The following PDE4B variants were observed in gnomAD, a reference collection of about 807,000 sequenced individuals.
PDE4B encodes the protein 3',5'-cyclic-AMP phosphodiesterase 4B.
A neutral mutation model predicts 82.2 loss-of-function variants in PDE4B; 20 were observed. The observed-to-expected ratio is 0.24, with a 90% CI of 0.17 to 0.35. The LOEUF (loss-of-function observed/expected upper bound fraction) is 0.35, where lower values mean the gene tolerates loss of function less well. PDE4B is among the 10% of genes least tolerant of loss of function. PDE4B has a pLI of 1.00. For missense variants in PDE4B, 655 were observed against 907.2 expected (o/e 0.72, Z 3.57); for synonymous variants, 320 against 318.9 (o/e 1.00, Z -0.04).
chr1:65,953,288 A>G (rs1649094523), intron 3 of PDE4B, among the ~76,000 whole-genome samples: 1 of 152,076 alleles, frequency 6.6e-6, no homozygotes, highest in African/African-American at 2.4e-5. Context: ...AAAATGTTTT[A>G]TACTCTGGGT....
Position 66,222,516 on chromosome 1 carries a change from C to T in PDE4B, c.282-24944C>T, listed in dbSNP as rs1651078389. The stretch of plus-strand genomic sequence containing the variant: ...AGCGTTCAGAGCACCCATGCAGCCT[C>T]CAGTTGTTCATTTCCCATTGCTTTT... On this transcript the variant is annotated intron_variant, in intron 3 of 16. Transcript: ENST00000341517. 2.0e-5 allele frequency among the ~76,000 whole-genome samples: 3 copies of T among 152,190 alleles called. No homozygotes were observed. In the South Asian group the frequency reaches 6.2e-4, roughly 31 times the overall value.
intron 3 of PDE4B, chr1:65,992,307 G>A (rs1232162056): frequency 6.6e-6 from 1 of 152,220 alleles, no homozygotes; most frequent in Non-Finnish European, 1.5e-5. Flanking sequence ...TGTTGTTAAG[G>A]GGGAAACAGA....
chr1:66,266,462 G>A (rs1290022819), intron 7 of PDE4B, among the ~76,000 whole-genome samples: 1 of 152,112 alleles, frequency 6.6e-6, no homozygotes, highest in Non-Finnish European at 1.5e-5. Context: ...CTCCACGTTC[G>A]CCTGAGGGCC....
chr1:66,087,706 A>G (rs1657080763), intron 3 of PDE4B, among the ~76,000 whole-genome samples: 1 of 152,016 alleles, frequency 6.6e-6, no homozygotes, highest in South Asian at 2.1e-4. Flanking sequence ...TGATGAGTTC[A>G]TGTCCTTTGT....
intron 3 of PDE4B, among the ~76,000 whole-genome samples, chr1:66,189,061 C>T (rs1339677735): frequency 1.7e-5 from 1 of 60,294 alleles, no homozygotes; most frequent in Non-Finnish European, 4.1e-5. Context: ...ATTTGCTTGT[C>T]TATAAGTATT....
chr1:66,046,805 C>T (rs1654741226), intron 3 of PDE4B, among the ~76,000 whole-genome samples: 1 of 151,794 alleles, frequency 6.6e-6, no homozygotes, highest in African/African-American at 2.4e-5. Context: ...TTATCCCCCT[C>T]TGCTATTCAC....
chr1:66,007,147 A>G (rs749127682), intron 3 of PDE4B, among the ~76,000 whole-genome samples: 1 of 152,006 alleles, frequency 6.6e-6, no homozygotes, highest in Non-Finnish European at 1.5e-5. Context: ...AAAATATATA[A>G]AAGTATAAAA....
intron 3 of PDE4B, among the ~76,000 whole-genome samples, chr1:66,091,862 T>C (rs1645032538): frequency 6.6e-6 from 1 of 152,110 alleles, no homozygotes; most frequent in Non-Finnish European, 1.5e-5. Context: ...TACTTAATTG[T>C]TTTTTCCTTC....
At chr1:66,310,368 C>T (rs1057399375) in intron 7 of PDE4B, among the ~76,000 whole-genome samples, 3 of 152,116 alleles carry the variant, frequency 2.0e-5, no homozygotes, top group Non-Finnish European at 4.4e-5. Flanking sequence ...TTCCCCGCTG[C>T]CCTCAGGAGG....
chr1:66,212,392 TG>T (rs1249086576), intron 3 of PDE4B, among the ~76,000 whole-genome samples: 1 of 152,224 alleles, frequency 6.6e-6, no homozygotes, highest in Non-Finnish European at 1.5e-5. Flanking sequence ...TTGCTCTTGC[TG>T]TTATTCTGTC....
chr1:66,268,047 C>G (rs545684537), intron 7 of PDE4B, among the ~76,000 whole-genome samples: 4 of 152,148 alleles, frequency 2.6e-5, no homozygotes, highest in Non-Finnish European at 5.9e-5. Flanking sequence ...TTTCTCAGTA[C>G]TGAAGTTGAA....
At chr1:66,189,170 C>G (rs138665150) in intron 3 of PDE4B, among the ~76,000 whole-genome samples, 19,317 of 152,068 alleles carry the variant, frequency 0.13, 1,425 homozygotes, top group Non-Finnish European at 0.17. Flanking sequence ...CCCCCACTCT[C>G]TGCTGGCTTG....
At chr1:65,879,665 G>A (rs1257185489) in intron 1 of PDE4B, among the ~76,000 whole-genome samples, 1 of 152,098 alleles carries the variant, frequency 6.6e-6, no homozygotes, top group African/African-American at 2.4e-5. Flanking sequence ...ATAAAAGCAT[G>A]AAAACTACAA....
chr1:65,843,764 G>C (rs1018805891), intron 1 of PDE4B, among the ~76,000 whole-genome samples: 1 of 151,922 alleles, frequency 6.6e-6, no homozygotes, highest in Non-Finnish European at 1.5e-5. Flanking sequence ...AAATTTTAAG[G>C]ATAAAGATGT....
chr1:66,360,636 C>G (rs1026211361), intron 9 of PDE4B: 7 of 152,184 alleles, frequency 4.6e-5, no homozygotes, highest in African/African-American at 1.7e-4. Flanking sequence ...ATAATTGCCT[C>G]TGTGCACCCA....
At chr1:66,054,691 A>G (rs1262217319) in intron 3 of PDE4B, among the ~76,000 whole-genome samples, 3 of 151,526 alleles carry the variant, frequency 2.0e-5, no homozygotes, top group Non-Finnish European at 4.4e-5. Context: ...CCCATAGTTC[A>G]CTCCTGAATG....
chr1:66,095,240 T>C (rs1645092165), intron 3 of PDE4B, among the ~76,000 whole-genome samples: 1 of 151,982 alleles, frequency 6.6e-6, no homozygotes, highest in African/African-American at 2.4e-5. Context: ...CTTGCTATTA[T>C]AGCTTGCAAT....
intron 3 of PDE4B, among the ~76,000 whole-genome samples, chr1:66,188,685 T>C (rs1270429011): frequency 6.6e-6 from 1 of 151,856 alleles, no homozygotes; most frequent in African/African-American, 2.4e-5. Context: ...TCCATTTGCT[T>C]GGTAGATCTT....
At chr1:65,983,747 A>C (rs2100657866) in intron 3 of PDE4B, among the ~76,000 whole-genome samples, 1 of 150,940 alleles carries the variant, frequency 6.6e-6, no homozygotes, top group East Asian at 2.0e-4. Context: ...ACAGTGAGAC[A>C]ATACATTTCT....
Sources: gnomAD v4.1 joint callset for allele counts (sites outside exome capture counted in the v4.1 genomes callset) on GRCh38, gnomAD v4.1.1 for gene constraint, MANE v1.5 for transcripts, NCBI Gene and HGNC (gene_info 2026-07-23, HGNC 2026-07-21) for gene names.